The following TMED10 variants were observed in gnomAD, a reference collection of about 807,000 sequenced individuals.
The protein encoded by TMED10 is transmembrane emp24 domain-containing protein 10.
Under a neutral mutation model 23.1 loss-of-function variants are expected in TMED10, and 7 were observed. The ratio of observed to expected loss-of-function variants is 0.30; its 90% confidence interval spans 0.17 to 0.57. The LOEUF (loss-of-function observed/expected upper bound fraction) is 0.57, where lower values mean the gene tolerates loss of function less well. Ranked by LOEUF, TMED10 falls within the 20% of genes least tolerant of loss-of-function variation. The pLI is 0.91. For synonymous variants in TMED10, 113 were observed against 106.9 expected (o/e 1.06, Z -0.35); for missense variants, 162 against 274.8 (o/e 0.59, Z 2.90).
At chr14:75,149,498 A>T (rs532342401) in intron 2 of TMED10, among the ~76,000 whole-genome samples, 1 of 152,322 alleles carries the variant, frequency 6.6e-6, no homozygotes, top group African/African-American at 2.4e-5. Context: ...GTTCTGTTAT[A>T]GCAGCACAAA....
Position 75,132,516 on chromosome 14 carries a change from A to G in TMED10, c.*2369T>C, listed in dbSNP as rs878988697. On this transcript the variant is annotated 3_prime_UTR_variant, in exon 5 of 5. Transcript: ENST00000303575. Reference sequence around the variant, plus strand: ...TAGACTTTCTCAACATTTGCTGCCTATGCTAAGGATCTGCAGCCAGGTTCT... The same window carrying G: ...TAGACTTTCTCAACATTTGCTGCCTGTGCTAAGGATCTGCAGCCAGGTTCT... 1.3e-5 allele frequency: 2 copies of G among 151,812 alleles called. No homozygotes were observed. The highest frequency in any genetic ancestry group is 2.1e-4 in the South Asian group (1 of 4,820). The allele number at this position is 151,812 out of a possible 1,614,324, so 9.4% of individuals were successfully genotyped here. A position where few individuals can be genotyped will look rare whatever the true frequency, so the allele number is the denominator to read the frequency against.
At chr14:75,160,616 T>C (rs175422) in intron 1 of TMED10, among the ~76,000 whole-genome samples, 1 of 151,994 alleles carries the variant, frequency 6.6e-6, no homozygotes, top group Non-Finnish European at 1.5e-5. Context: ...ATAATAGTGA[T>C]AATAAAGTTC....
chr14:75,151,460 C>T (rs1232946169), intron 2 of TMED10, among the ~76,000 whole-genome samples: 1 of 152,068 alleles, frequency 6.6e-6, no homozygotes, highest in Non-Finnish European at 1.5e-5. Flanking sequence ...CTTCAGTGAT[C>T]TGCCTGCCTT....
intron 1 of TMED10, among the ~76,000 whole-genome samples, chr14:75,174,907 G>A (rs1216442147): frequency 6.6e-6 from 1 of 151,910 alleles, no homozygotes; most frequent in Admixed American, 6.6e-5. Context: ...GGGTGTGGTG[G>A]CTGGCGCCTG....
intron 1 of TMED10, among the ~76,000 whole-genome samples, chr14:75,171,189 G>A (rs531838427): frequency 4.9e-4 from 74 of 151,712 alleles, no homozygotes; most frequent in Non-Finnish European, 6.2e-4. Context: ...AAGGAGGGAG[G>A]AAGAGAGGAA....
At chr14:75,144,116 G>A (rs558802408) in intron 3 of TMED10, among the ~76,000 whole-genome samples, 32 of 152,110 alleles carry the variant, frequency 2.1e-4, no homozygotes, top group Non-Finnish European at 4.3e-4. Flanking sequence ...TAGGCAAAGC[G>A]GTATTTTACT....
intron 1 of TMED10, among the ~76,000 whole-genome samples, chr14:75,162,481 C>A (rs1013233095): frequency 1.8e-4 from 28 of 152,070 alleles, no homozygotes; most frequent in African/African-American, 6.5e-4. Flanking sequence ...GGAAGAGAGA[C>A]AAATCTTCCG....
intron 1 of TMED10, among the ~76,000 whole-genome samples, chr14:75,153,588 T>C (rs1001300945): frequency 6.6e-6 from 1 of 152,208 alleles, no homozygotes; most frequent in Non-Finnish European, 1.5e-5. Flanking sequence ...TACTTTGCAA[T>C]GTGGAACACA....
intron 2 of TMED10, 29 bp downstream of exon 2, chr14:75,152,002 TA>T: frequency 2.5e-6 from 4 of 1,576,500 alleles, no homozygotes; most frequent in Non-Finnish European, 3.5e-6. Flanking sequence ...AGAAGATTCT[TA>T]ATCCAGAGAA....
intron 1 of TMED10, among the ~76,000 whole-genome samples, chr14:75,171,080 TAAGGGTCTTGAGGTGGAGAAGATTATCAC>T (rs995771831): frequency 4.6e-5 from 7 of 152,096 alleles, no homozygotes; most frequent in African/African-American, 1.7e-4. Flanking sequence ...TAAATCAGAT[TAAGGGTCTTGAGGTGGAGAAGATTATCAC>T]AAGGGTCCTT....
At chr14:75,135,331 T>C (rs1178024096) in intron 4 of TMED10, among the ~76,000 whole-genome samples, 1 of 151,938 alleles carries the variant, frequency 6.6e-6, no homozygotes, top group African/African-American at 2.4e-5. Context: ...TCCCAGCTAC[T>C]TGGGAGGCTG....
At chr14:75,166,278 C>T (rs1284726139) in intron 1 of TMED10, among the ~76,000 whole-genome samples, 5 of 152,116 alleles carry the variant, frequency 3.3e-5, no homozygotes, top group African/African-American at 1.2e-4. Flanking sequence ...TCCCTCAAGT[C>T]GGAGACTTGT....
chr14:75,165,213 C>A (rs1192251383), intron 1 of TMED10, among the ~76,000 whole-genome samples: 1 of 152,064 alleles, frequency 6.6e-6, no homozygotes, highest in Non-Finnish European at 1.5e-5. Context: ...AAAAATATAT[C>A]AGAAACATGT....
At chr14:75,173,904 T>A (rs1045366676) in intron 1 of TMED10, among the ~76,000 whole-genome samples, 7 of 152,148 alleles carry the variant, frequency 4.6e-5, no homozygotes, top group African/African-American at 1.7e-4. Flanking sequence ...CTAATTTTTG[T>A]ATTTTTAGTA....
chr14:75,141,565 A>T (rs74925284), intron 3 of TMED10, among the ~76,000 whole-genome samples: 69 of 152,176 alleles, frequency 4.5e-4, no homozygotes, highest in African/African-American at 1.6e-3. Context: ...TATAAGGTGA[A>T]TATTTTTATC....
At chr14:75,151,488 G>A (rs1331386100) in intron 2 of TMED10, among the ~76,000 whole-genome samples, 1 of 152,166 alleles carries the variant, frequency 6.6e-6, no homozygotes, top group Admixed American at 6.5e-5. Flanking sequence ...CAAAGTGCTG[G>A]GATTACAGGC....
At chr14:75,154,157 C>T (rs1241158751) in intron 1 of TMED10, among the ~76,000 whole-genome samples, 5 of 147,448 alleles carry the variant, frequency 3.4e-5, no homozygotes, top group Non-Finnish European at 4.5e-5. Context: ...TTTGGGAGGC[C>T]GAGGCAGGTG....
Position 75,147,702 on chromosome 14 carries a change from C to G in TMED10, c.373G>C (p.Asp125His). 1 of 1,614,142 alleles carries G rather than the reference C, an allele frequency of 6.2e-7. No individual in the cohort carries two copies. The highest frequency in any genetic ancestry group is 8.5e-7 in the Non-Finnish European group (1 of 1,180,028). Residue 125 changes from aspartate (D) to histidine (H), a missense_variant, in exon 3 of 5, where the codon GAC (aspartate) becomes CAC (histidine). Physicochemically the swap from Asp to His is moderately conservative, Grantham distance 81. Around this residue, in one of 2 missense-constraint regions of TMED10, gnomAD observed 126 missense variants for 239.5 expected, o/e 0.53. Transcript: ENST00000303575. ...GRIPDQLVIL[D>H]MKHGVEAKNY... The stretch of plus-strand genomic sequence containing the variant: ...TTCGCCTCCACTCCATGCTTCATGT[C>G]TAGGATCACGAGTTGGTCAGGTATC...
intron 3 of TMED10, among the ~76,000 whole-genome samples, chr14:75,139,580 G>C (rs1895796309): frequency 6.7e-6 from 1 of 148,280 alleles, no homozygotes; most frequent in Admixed American, 6.9e-5. Context: ...AGGCTGCAGT[G>C]AGCCAAGATC....
Sources: gnomAD v4.1 joint callset for allele counts (sites outside exome capture counted in the v4.1 genomes callset) on GRCh38, gnomAD v4.1.1 for gene constraint, gnomAD v4.1.1 regional missense constraint, MANE v1.5 for transcripts, NCBI Gene and HGNC (gene_info 2026-07-23, HGNC 2026-07-21) for gene names.